HCN1: variants seen among roughly 807,000 people sequenced by gnomAD.
HCN1 encodes hyperpolarization activated cyclic nucleotide gated potassium channel 1.
In HCN1, 13 loss-of-function variants were observed where a neutral mutation model predicts 78.9. The observed-to-expected ratio is 0.16, with a 90% CI of 0.11 to 0.26. The LOEUF (loss-of-function observed/expected upper bound fraction) is 0.26. Among genes scored for constraint, HCN1 ranks in the 10% least tolerant of loss-of-function variants. The pLI is 1.00. For missense variants in HCN1, 810 were observed against 1,154.3 expected (o/e 0.70, Z 4.32); for synonymous variants, 552 against 455.5 (o/e 1.21, Z -2.70).
rs903601025 is a variant in HCN1 at position 45,585,838 on chromosome 5, C to T, written c.849+59347G>A. ...ATCAGCAGTGGAGGCTGCAGAACAG[C>T]GGATATTGGTGAACAGCAAATGTTG... On this transcript the variant is annotated intron_variant, in intron 2 of 7. Transcript: ENST00000303230. 4.6e-5 allele frequency among the ~76,000 whole-genome samples: 7 copies of T among 152,100 alleles called. No individual in the cohort carries two copies. The East Asian group carries it at 5.8e-4, about 13-fold the overall frequency.
chr5:45,300,386 C>T (rs909732039), intron 6 of HCN1, among the ~76,000 whole-genome samples: 43 of 151,966 alleles, frequency 2.8e-4, no homozygotes, highest in Non-Finnish European at 5.2e-4. Flanking sequence ...CCCTTCTCTT[C>T]CTTCTCCTCT....
At chr5:45,280,968 G>A (rs1745149788) in intron 6 of HCN1, among the ~76,000 whole-genome samples, 1 of 150,486 alleles carries the variant, frequency 6.6e-6, no homozygotes, top group African/African-American at 2.4e-5. Flanking sequence ...AATTAACCAG[G>A]ATAAAATAGA....
At position 45,570,333 on chromosome 5, in the gene HCN1, A is replaced by G. The variant is rs561045812; in HGVS notation, c.849+74852T>C. 1.4e-4 allele frequency among the ~76,000 whole-genome samples: 21 copies of G among 152,052 alleles called. No homozygotes were observed. In the South Asian group the frequency reaches 2.1e-3, roughly 15 times the overall value. On this transcript the variant is annotated intron_variant, in intron 2 of 7. Transcript: ENST00000303230. Reference sequence around the variant, plus strand: ...TTTATTACACATTTTTCTAGAGTAGATATCATCTGGAACATGGAATCTACT... The same window carrying G: ...TTTATTACACATTTTTCTAGAGTAGGTATCATCTGGAACATGGAATCTACT...
intron 2 of HCN1, chr5:45,558,463 G>A (rs1360177715): frequency 6.6e-6 from 1 of 152,088 alleles, no homozygotes; most frequent in Non-Finnish European, 1.5e-5. Flanking sequence ...AATTGATGAA[G>A]GTGGCTACAC....
chr5:45,309,736 A>G (rs1308038449), intron 5 of HCN1, among the ~76,000 whole-genome samples: 1 of 152,120 alleles, frequency 6.6e-6, no homozygotes, highest in African/African-American at 2.4e-5. Flanking sequence ...TTGGTGGATA[A>G]GCTTTTTGAT....
At chr5:45,273,445 C>T (rs113396071) in intron 6 of HCN1, among the ~76,000 whole-genome samples, 1,530 of 152,240 alleles carry the variant, frequency 0.01, 23 homozygotes, top group African/African-American at 0.034. Flanking sequence ...CTGTCACCTA[C>T]ATAAACAGTC....
chr5:45,296,477 A>T (rs1745496377), intron 6 of HCN1, among the ~76,000 whole-genome samples: 1 of 151,984 alleles, frequency 6.6e-6, no homozygotes, highest in South Asian at 2.1e-4. Context: ...CTTAGAGAGG[A>T]ATTTATACTA....
chr5:45,403,009 T>C (rs1739853922), intron 3 of HCN1, among the ~76,000 whole-genome samples: 1 of 151,998 alleles, frequency 6.6e-6, no homozygotes, highest in African/African-American at 2.4e-5. Context: ...CAATCCCATA[T>C]CAGCCTTCTG....
rs189526229 is a variant in HCN1, at chr5:45,436,472, C to A, written c.1011+25374G>T. Among the ~76,000 whole-genome samples, 260 of 152,180 alleles carry A rather than the reference C, an allele frequency of 1.7e-3. 1 individual carries two copies. The highest frequency in any genetic ancestry group is 6.0e-3 in the African/African-American group (251 of 41,520). On this transcript the variant is annotated intron_variant, in intron 3 of 7. Transcript: ENST00000303230. ...CTGAATTTTAATATAGGTCACTGTA[C>A]AGAGGTCACCAATCATGATAGAATA...
intron 2 of HCN1, 107 bp from the exon 3 acceptor site, chr5:45,462,114 T>C: frequency 1.2e-6 from 1 of 834,490 alleles, no homozygotes; most frequent in Non-Finnish European, 2.0e-6. Flanking sequence ...ATTGATTTAA[T>C]AAAAATATGG....
At chr5:45,338,107 GTC>G (rs1746503036) in intron 5 of HCN1, among the ~76,000 whole-genome samples, 1 of 152,096 alleles carries the variant, frequency 6.6e-6, no homozygotes, top group Non-Finnish European at 1.5e-5. Flanking sequence ...TGAAAGGAGA[GTC>G]TGAACTATAA....
chr5:45,639,204 G>T (rs1293467279), intron 2 of HCN1, among the ~76,000 whole-genome samples: 1 of 151,930 alleles, frequency 6.6e-6, no homozygotes, highest in East Asian at 1.9e-4. Context: ...AAACAGTCCG[G>T]CATTTTAAAA....
chr5:45,631,267 T>C (rs1745265262), intron 2 of HCN1, among the ~76,000 whole-genome samples: 1 of 152,214 alleles, frequency 6.6e-6, no homozygotes, highest in Non-Finnish European at 1.5e-5. Context: ...ACTGTTCTTC[T>C]TGACTTTCTT....
chr5:45,411,911 G>A (rs1401112429), intron 3 of HCN1, among the ~76,000 whole-genome samples: 1 of 152,042 alleles, frequency 6.6e-6, no homozygotes. Flanking sequence ...TGCAATTCCT[G>A]TAGAAGAGTG....
At chr5:45,486,875 A>T (rs1233297752) in intron 2 of HCN1, among the ~76,000 whole-genome samples, 2 of 152,160 alleles carry the variant, frequency 1.3e-5, no homozygotes, top group African/African-American at 4.8e-5. Context: ...TCAAATATGA[A>T]GTCAATAATA....
Position 45,262,628 on chromosome 5 carries a change from G to T in HCN1, c.1966C>A (p.Pro656Thr), listed in dbSNP as rs1744773336. 1 of 1,613,924 alleles carries T rather than the reference G, an allele frequency of 6.2e-7. No individual in the cohort carries two copies. Among genetic ancestry groups the T allele is most frequent in the Admixed American group, 1.7e-5 (1 of 60,006 alleles). ...TLNSTSSTTTPTSRMRTQSPP... is the reference protein window; with the variant it reads ...TLNSTSSTTTTTSRMRTQSPP... ...GATTGTGTCCTCATGCGGGAGGTCG[G>T]GGTCGTAGTAGACGATGTGGAATTC... Residue 656 changes from proline (P) to threonine (T), a missense_variant, in exon 8 of 8, where the codon CCG becomes ACG. Transcript: ENST00000303230.
chr5:45,683,464 T>C (rs1739743985), intron 1 of HCN1, among the ~76,000 whole-genome samples: 2 of 152,152 alleles, frequency 1.3e-5, no homozygotes, highest in Admixed American at 1.3e-4. Context: ...TTAGGTTCCT[T>C]TCACCCAAGT....
intron 3 of HCN1, among the ~76,000 whole-genome samples, chr5:45,435,141 T>G (rs1243529437): frequency 1.3e-5 from 2 of 152,084 alleles, no homozygotes; most frequent in Non-Finnish European, 2.9e-5. Flanking sequence ...TTACAAAGCA[T>G]ATCATCAAAT....
At chr5:45,532,554 T>C (rs1167001944) in intron 2 of HCN1, among the ~76,000 whole-genome samples, 1 of 152,090 alleles carries the variant, frequency 6.6e-6, no homozygotes, top group African/African-American at 2.4e-5. Context: ...TTTAATTAAG[T>C]GTGTTCATTC....
Sources: allele counts gnomAD v4.1 joint callset (sites outside exome capture counted in the v4.1 genomes callset), GRCh38; gene constraint gnomAD v4.1.1; transcripts MANE v1.5; gene names NCBI Gene and HGNC (gene_info 2026-07-23, HGNC 2026-07-21).